Variants in ST3GAL1 observed in about 807,000 individuals in gnomAD.
ST3GAL1 encodes CMP-N-acetylneuraminate-beta-galactosamide-alpha-2,3-sialyltransferase 1.
Under a neutral mutation model 34.1 loss-of-function variants are expected in ST3GAL1, and 16 were observed. The ratio of observed to expected loss-of-function variants is 0.47; its 90% CI spans 0.32 to 0.71. The LOEUF (loss-of-function observed/expected upper bound fraction) is 0.71. Among genes scored for constraint, ST3GAL1 ranks in the 30% least tolerant of loss-of-function variants. The pLI is 0.04. For synonymous variants in ST3GAL1, 191 were observed against 184.7 expected, an observed-to-expected ratio of 1.03 and a Z score of -0.28; for missense variants, 353 against 447.4, an observed-to-expected ratio of 0.79 and a Z score of 1.90.
chr8:133,552,753 C>A (rs1563739695), intron 1 of ST3GAL1, among the ~76,000 whole-genome samples: 2 of 152,158 alleles, frequency 1.3e-5, no homozygotes, highest in African/African-American at 2.4e-5. Context: ...AATGAAGTGC[C>A]TTTCTGAATT....
In ST3GAL1 at chr8:133,459,615, C is replaced by G; in HGVS notation, c.*149G>C. 1 of 995,296 alleles carries G rather than the reference C, an allele frequency of 1.0e-6. No homozygotes were observed. Among genetic ancestry groups the G allele is most frequent in the Non-Finnish European group, 1.4e-6 (1 of 705,224 alleles). The allele number at this position is 995,296 out of a possible 1,614,324, so 61.7% of individuals were successfully genotyped here. A position where few individuals can be genotyped will look rare whatever the true frequency, so the allele number is the denominator to read the frequency against. ...AGTGACCTTGCTGAGTAGATGCTGC[C>G]AACGGCTGGGTGCAAGAGGCTGTGA... On this transcript the variant is annotated 3_prime_UTR_variant, in exon 10 of 10. Transcript: ENST00000522652. This position sits in a 1 kb window ranked among gnomAD's most constrained non-coding sequence, Gnocchi z 4.7.
At chr8:133,464,735 G>T in intron 7 of ST3GAL1, 43 bp downstream of exon 7, 1 of 1,572,080 alleles carries the variant, frequency 6.4e-7, no homozygotes, top group Non-Finnish European at 8.7e-7. Context: ...GGGTGCCACT[G>T]CAAGGGGCAG....
intron 6 of ST3GAL1, among the ~76,000 whole-genome samples, chr8:133,465,321 G>T (rs1159291842): frequency 6.6e-6 from 1 of 152,140 alleles, no homozygotes; most frequent in Non-Finnish European, 1.5e-5. Context: ...TGAGAGGCAG[G>T]TAAGTGGTCT....
At chr8:133,460,593 A>G (rs1213458782) in intron 9 of ST3GAL1, among the ~76,000 whole-genome samples, 1 of 152,232 alleles carries the variant, frequency 6.6e-6, no homozygotes, top group Non-Finnish European at 1.5e-5. Flanking sequence ...ACTGAAGTTC[A>G]GGCAGAGCTT....
rs1460386988 is a variant in ST3GAL1, at chr8:133,461,212, C to T, written c.849+663G>A. Among the ~76,000 whole-genome samples the T allele has an allele frequency of 6.6e-6, 1 of 152,096 alleles. No homozygotes were observed. The highest frequency in any genetic ancestry group is 1.5e-5 in the Non-Finnish European group (1 of 68,010). On this transcript the variant is annotated intron_variant, in intron 9 of 9. Coordinates refer to ENST00000522652, the MANE Select transcript of ST3GAL1 (RefSeq NM_173344.3). This position sits in a 1 kb window ranked among gnomAD's most constrained non-coding sequence, Gnocchi z 4.7. ...GGCACCAGGCAGGGTGGGGCTGGGG[C>T]TGGGCTGAATGAGACAAGAAGGGAC...
chr8:133,538,617 A>T (rs532012284), intron 2 of ST3GAL1, among the ~76,000 whole-genome samples: 9 of 152,360 alleles, frequency 5.9e-5, no homozygotes, highest in African/African-American at 2.2e-4. Context: ...GAATCCAAGC[A>T]CTGTTAGCAC....
At chr8:133,504,634 A>C (rs1817281149) in intron 2 of ST3GAL1, among the ~76,000 whole-genome samples, 1 of 152,130 alleles carries the variant, frequency 6.6e-6, no homozygotes, top group African/African-American at 2.4e-5. Flanking sequence ...GAGTGGCCAC[A>C]GGAAGGTACA....
At chr8:133,509,949 C>T (rs1817458004) in intron 2 of ST3GAL1, among the ~76,000 whole-genome samples, 2 of 151,692 alleles carry the variant, frequency 1.3e-5, no homozygotes, top group Non-Finnish European at 2.9e-5. Context: ...TTCCCAGCTA[C>T]TCGGGTGGCT....
chr8:133,470,236 A>C (rs1205061198), intron 5 of ST3GAL1, among the ~76,000 whole-genome samples: 1 of 152,170 alleles, frequency 6.6e-6, no homozygotes, highest in Non-Finnish European at 1.5e-5. Context: ...CCTGACCAAC[A>C]TGGAGAAACC....
At position 133,570,564 on chromosome 8, in the gene ST3GAL1, C is replaced by G. The variant is rs1819537273; in HGVS notation, c.-582+1129G>C. The stretch of plus-strand genomic sequence containing the variant: ...GCTCCAGCTGACGAGCAGAGCCAGA[C>G]GATCCCCACACGCTTCCTGGGAGAC... On this transcript the variant is annotated intron_variant, in intron 1 of 9. Transcript: ENST00000522652. The surrounding 1 kb of genome is among the most constrained non-coding windows in gnomAD (Gnocchi z 5.6). Among the ~76,000 whole-genome samples the G allele has an allele frequency of 6.6e-6, 1 of 152,150 alleles. No individual in the cohort carries two copies. Among genetic ancestry groups the G allele is most frequent in the Non-Finnish European group, 1.5e-5 (1 of 68,026 alleles).
chr8:133,540,712 CATATATATATATAGACAT>C (rs370251723), intron 2 of ST3GAL1, among the ~76,000 whole-genome samples: 9,523 of 105,518 alleles, frequency 0.09, 1,362 homozygotes, highest in East Asian at 0.27. Flanking sequence ...TATATACAGA[CATATATATATATAGACAT>C]ATATATATAT....
rs892800175 is a variant in ST3GAL1 at position 133,467,143 on chromosome 8, T to G, written c.307-1053A>C. 1.3e-5 allele frequency among the ~76,000 whole-genome samples: 2 copies of G among 151,612 alleles called. No homozygotes were observed. The highest frequency in any genetic ancestry group is 2.9e-5 in the Non-Finnish European group (2 of 67,970). On this transcript the variant is annotated intron_variant, in intron 5 of 9. Transcript: ENST00000522652. The surrounding 1 kb of genome is among the most constrained non-coding windows in gnomAD (Gnocchi z 4.2). ...GCTCGAGGGTCAGCTGCTCGCAGAT[T>G]GAATGCCAGTCTTATTCCAGGGTGA...
chr8:133,566,337 T>C (rs1586675457), intron 1 of ST3GAL1, among the ~76,000 whole-genome samples: 2 of 152,326 alleles, frequency 1.3e-5, no homozygotes, highest in East Asian at 3.9e-4. Context: ...TTCAAGTGCT[T>C]TTCCAGGAGT....
chr8:133,488,798 T>G (rs4736681), intron 3 of ST3GAL1, among the ~76,000 whole-genome samples: 41,763 of 152,020 alleles, frequency 0.27, 6,344 homozygotes, highest in Non-Finnish European at 0.35. Context: ...GTGGGGACAG[T>G]AGGTGAGTCC....
Position 133,459,717 on chromosome 8 carries a change from G to T in ST3GAL1, c.*47C>A, listed in dbSNP as rs761745757. The T allele has an allele frequency of 6.4e-7, 1 of 1,550,818 alleles. No homozygotes were observed. Among genetic ancestry groups the T allele is most frequent in the Non-Finnish European group, 8.7e-7 (1 of 1,143,850 alleles). On this transcript the variant is annotated 3_prime_UTR_variant, in exon 10 of 10. Coordinates refer to ENST00000522652, the MANE Select transcript of ST3GAL1 (RefSeq NM_173344.3). This position sits in a 1 kb window ranked among gnomAD's most constrained non-coding sequence, Gnocchi z 4.7. ...CGGCTCCAGCAAGATGCTGGGGCTG[G>T]AAATGCAGAGGTGTGACAGTGCGTC...
At chr8:133,460,310 G>A (rs929155790) in intron 9 of ST3GAL1, among the ~76,000 whole-genome samples, 10 of 152,138 alleles carry the variant, frequency 6.6e-5, no homozygotes, top group African/African-American at 2.2e-4. Context: ...AGGAGAGCAG[G>A]GCTTTGGGGC....
In ST3GAL1 at chr8:133,466,121, T is replaced by A; in HGVS notation, c.307-31A>T. 6.3e-7 allele frequency: 1 copy of A among 1,581,548 alleles called. No homozygotes were observed. Among genetic ancestry groups the A allele is most frequent in the East Asian group, 2.3e-5 (1 of 44,064 alleles). On this transcript the variant is annotated intron_variant, in intron 5 of 9. Coordinates refer to ENST00000522652, the MANE Select transcript of ST3GAL1 (RefSeq NM_173344.3). This position sits in a 1 kb window ranked among gnomAD's most constrained non-coding sequence, Gnocchi z 4.4. ...GGCGGAGGACAGAAGGTGGTCAACC[T>A]GGCTTTGTGGCTCCAGCCTCCTGGC...
At chr8:133,497,515 G>A (rs1391740316) in intron 3 of ST3GAL1, among the ~76,000 whole-genome samples, 8 of 127,362 alleles carry the variant, frequency 6.3e-5, no homozygotes, top group Non-Finnish European at 1.1e-4. Flanking sequence ...CTTTTGCCCA[G>A]GCTGGAGTGC....
In ST3GAL1 at chr8:133,524,574, C is replaced by T. The variant is rs141833401; in HGVS notation, c.-429+21200G>A. 4.6e-3 allele frequency among the ~76,000 whole-genome samples: 702 copies of T among 152,388 alleles called. 11 individuals carry two copies. The highest frequency in any genetic ancestry group is 0.016 in the African/African-American group (672 of 41,598). On this transcript the variant is annotated intron_variant, in intron 2 of 9. Coordinates refer to ENST00000522652, the MANE Select transcript of ST3GAL1 (RefSeq NM_173344.3). ...TTATGCTACCAGCCTAGATCACACA[C>T]CTGCTAAGGGCAAGCCAGGCGTGAA...
Sources: gnomAD v4.1 joint callset for allele counts (sites outside exome capture counted in the v4.1 genomes callset) on GRCh38, gnomAD v4.1.1 for gene constraint, Gnocchi (gnomAD v3.1) non-coding constraint, MANE v1.5 for transcripts, NCBI Gene and HGNC (gene_info 2026-07-23, HGNC 2026-07-21) for gene names.